The following CCDC102B variants were observed in gnomAD, a reference collection of about 807,000 sequenced individuals.
The protein encoded by CCDC102B is coiled-coil domain containing 102B.
Under a neutral mutation model 57.4 loss-of-function variants are expected in CCDC102B, and 75 were observed. The ratio of observed to expected loss-of-function variants is 1.31; its 90% CI spans 1.08 to 1.58. The LOEUF (loss-of-function observed/expected upper bound fraction) is 1.58, where lower values mean the gene tolerates loss of function less well. CCDC102B is among the 40% of genes most tolerant of loss of function. The pLI, the probability that CCDC102B is intolerant of heterozygous loss-of-function variation, is 0.00. For synonymous variants in CCDC102B, 206 were observed against 201.9 expected, an observed-to-expected ratio of 1.02 and a Z score of -0.17; for missense variants, 636 against 582.6, an observed-to-expected ratio of 1.09 and a Z score of -0.94.
At chr18:69,014,411 G>A (rs1287812723) in intron 7 of CCDC102B, among the ~76,000 whole-genome samples, 4 of 152,270 alleles carry the variant, frequency 2.6e-5, no homozygotes, top group South Asian at 2.1e-4. Flanking sequence ...TATAGACCAG[G>A]CAGCTATTTT....
chr18:68,913,018 GATTT>G (rs1417142664), intron 6 of CCDC102B, among the ~76,000 whole-genome samples: 1 of 152,062 alleles, frequency 6.6e-6, no homozygotes, highest in Non-Finnish European at 1.5e-5. Flanking sequence ...CTAGTTGCTG[GATTT>G]ATTTCTTTTT....
At chr18:69,046,026 T>C (rs1372332859) in intron 7 of CCDC102B, among the ~76,000 whole-genome samples, 1 of 152,148 alleles carries the variant, frequency 6.6e-6, no homozygotes, top group Admixed American at 6.6e-5. Flanking sequence ...AAGTTGATTG[T>C]CTTTGCTATT....
At chr18:68,804,864 C>CTTTTTTTTTTTTTTTT (rs202008892) in intron 1 of CCDC102B, among the ~76,000 whole-genome samples, 1 of 140,836 alleles carries the variant, frequency 7.1e-6, no homozygotes, top group Non-Finnish European at 1.6e-5. Flanking sequence ...GGATCAAAAT[C>CTTTTTTTTTTTTTTTT]TTTTTTTTTT....
At chr18:68,973,646 G>A (rs2050356575) in intron 6 of CCDC102B, among the ~76,000 whole-genome samples, 1 of 152,030 alleles carries the variant, frequency 6.6e-6, no homozygotes. Context: ...GTACAATATA[G>A]AAATGGTTGT....
At chr18:68,861,032 T>G (rs2038727851) in intron 4 of CCDC102B, among the ~76,000 whole-genome samples, 1 of 150,018 alleles carries the variant, frequency 6.7e-6, no homozygotes, top group African/African-American at 2.5e-5. Context: ...TCTGTCACTA[T>G]TAGCTGTCTG....
At chr18:68,834,416 G>C (rs1315633209) in intron 1 of CCDC102B, among the ~76,000 whole-genome samples, 1 of 103,888 alleles carries the variant, frequency 9.6e-6, no homozygotes, top group Non-Finnish European at 2.0e-5. Flanking sequence ...TATATATGTA[G>C]TTGTATATGT....
At chr18:68,729,895 A>G (rs1295909220) in intron 2 of CCDC102B, among the ~76,000 whole-genome samples, 1 of 152,250 alleles carries the variant, frequency 6.6e-6, no homozygotes, top group Admixed American at 6.5e-5. Context: ...TTAATAAAAC[A>G]TAAGAAAAAT....
At chr18:68,983,330 G>C (rs1190787372) in intron 6 of CCDC102B, among the ~76,000 whole-genome samples, 1 of 151,898 alleles carries the variant, frequency 6.6e-6, no homozygotes, top group African/African-American at 2.4e-5. Context: ...CAATGCAGAT[G>C]CCAAACAATA....
intron 6 of CCDC102B, among the ~76,000 whole-genome samples, chr18:68,905,983 C>T (rs1231507361): frequency 4.0e-5 from 6 of 151,562 alleles, no homozygotes; most frequent in Non-Finnish European, 8.8e-5. Flanking sequence ...TTAGTAGAGA[C>T]GGGGTTTCAC....
intron 2 of CCDC102B, among the ~76,000 whole-genome samples, chr18:68,790,119 G>A (rs903205661): frequency 1.1e-3 from 152 of 135,554 alleles, no homozygotes; most frequent in African/African-American, 2.9e-3. Flanking sequence ...CCTGCTGGGG[G>A]GTGCCTCCCA....
At chr18:69,011,585 T>G (rs1029760555) in intron 7 of CCDC102B, among the ~76,000 whole-genome samples, 2 of 152,152 alleles carry the variant, frequency 1.3e-5, no homozygotes, top group Non-Finnish European at 2.9e-5. Flanking sequence ...TAGAAATTCC[T>G]GGAAGATAGA....
intron 7 of CCDC102B, among the ~76,000 whole-genome samples, chr18:69,019,277 G>C (rs2051759789): frequency 6.6e-6 from 1 of 151,838 alleles, no homozygotes; most frequent in African/African-American, 2.4e-5. Context: ...GTATTGTATT[G>C]AATCTGCAGA....
At chr18:68,949,424 C>T (rs1568347625) in intron 6 of CCDC102B, among the ~76,000 whole-genome samples, 1 of 152,098 alleles carries the variant, frequency 6.6e-6, no homozygotes, top group Non-Finnish European at 1.5e-5. Context: ...AATATCCCGA[C>T]AAGGGCAGTT....
chr18:68,720,582 G>A (rs554750539), intron 2 of CCDC102B, among the ~76,000 whole-genome samples: 4 of 152,288 alleles, frequency 2.6e-5, no homozygotes, highest in East Asian at 3.9e-4. Flanking sequence ...GAAGCTAGAC[G>A]CTTTCACATG....
intron 6 of CCDC102B, among the ~76,000 whole-genome samples, chr18:68,998,419 A>G (rs956412802): frequency 1.7e-5 from 1 of 57,728 alleles, no homozygotes; most frequent in African/African-American, 3.7e-5. Flanking sequence ...TATATATAGT[A>G]TATATATAAT....
intron 2 of CCDC102B, among the ~76,000 whole-genome samples, chr18:68,776,404 G>A (rs150973853): frequency 2.0e-5 from 3 of 152,064 alleles, no homozygotes; most frequent in Non-Finnish European, 2.9e-5. Flanking sequence ...ACAAAGACAC[G>A]GAATCAACCT....
At chr18:68,882,934 G>A (rs1037620218) in intron 5 of CCDC102B, among the ~76,000 whole-genome samples, 1 of 152,134 alleles carries the variant, frequency 6.6e-6, no homozygotes, top group African/African-American at 2.4e-5. Context: ...GGAGCTAAAT[G>A]ATAAGAACAC....
intron 1 of CCDC102B, among the ~76,000 whole-genome samples, chr18:68,807,022 A>G (rs906740684): frequency 1.3e-5 from 2 of 152,134 alleles, no homozygotes; most frequent in African/African-American, 4.8e-5. Flanking sequence ...CATTTCAGGC[A>G]TTGTATTTAT....
chr18:68,912,716 A>C (rs1407277530), intron 6 of CCDC102B, among the ~76,000 whole-genome samples: 1 of 152,240 alleles, frequency 6.6e-6, no homozygotes, highest in Non-Finnish European at 1.5e-5. Context: ...GAAAAGAAAA[A>C]GAATGAAGCC....
Sources: gnomAD v4.1 joint callset for allele counts (sites outside exome capture counted in the v4.1 genomes callset) on GRCh38, gnomAD v4.1.1 for gene constraint, MANE v1.5 for transcripts, NCBI Gene and HGNC (gene_info 2026-07-23, HGNC 2026-07-21) for gene names.